ATP11B: variants seen among roughly 807,000 people sequenced by gnomAD.
The protein encoded by ATP11B is ATPase phospholipid transporting 11B (putative).
ATP11B carries 81 observed loss-of-function variants against 157.8 expected under a neutral mutation model. The ratio of observed to expected loss-of-function variants is 0.51; its 90% CI spans 0.43 to 0.62. ATP11B has a LOEUF of 0.62. ATP11B is among the 20% of genes least tolerant of loss of function. ATP11B has a pLI of 0.00. For missense variants in ATP11B, 1,165 were observed against 1,402.2 expected (o/e 0.83, Z 2.70); for synonymous variants, 451 against 469.4 (o/e 0.96, Z 0.51).
intron 8 of ATP11B, among the ~76,000 whole-genome samples, chr3:182,842,829 T>G (rs1304295792): frequency 1.3e-5 from 2 of 152,194 alleles, no homozygotes; most frequent in African/African-American, 2.4e-5. Flanking sequence ...CACAAATCCC[T>G]TACATCAAAA....
intron 17 of ATP11B, 99 bp downstream of exon 17, chr3:182,869,430 C>T (rs1032094482): frequency 3.6e-6 from 3 of 837,970 alleles, no homozygotes; most frequent in African/African-American, 1.7e-5. Flanking sequence ...TGTGGACATT[C>T]TGCAGTTGTG....
rs142906808 is a variant in ATP11B, at chr3:182,888,632, C to T, written c.2844-778C>T. Among the ~76,000 whole-genome samples the T allele has an allele frequency of 1.1e-3, 167 of 152,028 alleles. 1 individual carries two copies. Among genetic ancestry groups the T allele is most frequent in the African/African-American group, 4.0e-3 (165 of 41,464 alleles). On this transcript the variant is annotated intron_variant, in intron 24 of 29. Coordinates refer to ENST00000323116, the MANE Select transcript of ATP11B (RefSeq NM_014616.3). ...ATCTCCCAGGTTCAAGCAATCTTCC[C>T]GTCTTAACATCTGGAGTAACTGGGA...
intron 11 of ATP11B, among the ~76,000 whole-genome samples, chr3:182,858,656 A>G (rs896488914): frequency 2.0e-5 from 3 of 152,180 alleles, no homozygotes; most frequent in Non-Finnish European, 2.9e-5. Context: ...ACCAATGCAT[A>G]TTGAAATATG....
rs768776680 is a variant in ATP11B at position 182,880,901 on chromosome 3, C to T, written c.2429C>T (p.Ser810Leu). Residue 810 changes from serine to leucine, a missense_variant, in exon 21 of 30, where the codon TCA becomes TTA. By Grantham distance (145) the Ser-to-Leu change is moderately radical. This residue lies in a region of ATP11B where 737 missense variants were observed against 930.5 expected (regional missense o/e 0.79). Transcript: ENST00000323116. Reference sequence around the variant, plus strand: ...CAGGTAATAAGACTAATAAAAATATCACCTGAGAAACCTATAACATTGGCT... The same window carrying T: ...CAGGTAATAAGACTAATAAAAATATTACCTGAGAAACCTATAACATTGGCT... The part of the protein sequence containing the change: ...KAKVIRLIKI[S>L]PEKPITLAVG... 6.3e-7 allele frequency: 1 copy of T among 1,586,504 alleles called. No homozygotes were observed.
intron 10 of ATP11B, among the ~76,000 whole-genome samples, chr3:182,854,972 T>A (rs1034331305): frequency 6.6e-6 from 1 of 152,168 alleles, no homozygotes; most frequent in African/African-American, 2.4e-5. Flanking sequence ...GAAAGATTCG[T>A]ACGGTAAAGA....
At chr3:182,842,945 C>T (rs1005944180) in intron 8 of ATP11B, among the ~76,000 whole-genome samples, 3 of 152,212 alleles carry the variant, frequency 2.0e-5, no homozygotes, top group Non-Finnish European at 4.4e-5. Context: ...AGTAAGGTCA[C>T]TCAGGTTTGC....
chr3:182,886,910 G>C (rs1028102713), intron 23 of ATP11B, among the ~76,000 whole-genome samples: 1 of 152,104 alleles, frequency 6.6e-6, no homozygotes, highest in African/African-American at 2.4e-5. Context: ...ATAAAAGTTT[G>C]TTTACCTAAA....
chr3:182,914,570 G>T, intron 29 of ATP11B: 1 of 985,138 alleles, frequency 1.0e-6, no homozygotes, highest in Non-Finnish European at 1.2e-6. Flanking sequence ...CTTTTGCTTG[G>T]TATTTATTGC....
At chr3:182,826,297 A>G (rs1717717691) in intron 2 of ATP11B, among the ~76,000 whole-genome samples, 1 of 152,238 alleles carries the variant, frequency 6.6e-6, no homozygotes, top group Non-Finnish European at 1.5e-5. Context: ...AGCCAAAGAA[A>G]ACACCCTGAA....
chr3:182,887,618 C>A lies in ATP11B; in HGVS notation c.2748C>A (p.Tyr916Ter). The A allele has an allele frequency of 1.2e-6, 2 of 1,612,210 alleles. No homozygotes were observed. Among genetic ancestry groups the A allele is most frequent in the Non-Finnish European group, 8.5e-7 (1 of 1,179,338 alleles). Reference sequence around the variant, plus strand: ...ATGACAGCGTGTACCTGACTTTATACAATATTTGTTTTACTTCCCTACCTA... The same window carrying A: ...ATGACAGCGTGTACCTGACTTTATAAAATATTTGTTTTACTTCCCTACCTA... ...TLYDSVYLTLYNICFTSLPIL... is the reference protein window; with the variant it reads ...TLYDSVYLTL Residue 916 changes from tyrosine to a stop codon, truncating the protein, a stop_gained, in exon 24 of 30, where the codon TAC becomes TAA. Coordinates refer to ENST00000323116, the MANE Select transcript of ATP11B (RefSeq NM_014616.3). LOFTEE classifies it high-confidence loss of function.
At chr3:182,913,617 A>T (rs1368854269) in intron 28 of ATP11B, among the ~76,000 whole-genome samples, 1 of 152,266 alleles carries the variant, frequency 6.6e-6, no homozygotes, top group Non-Finnish European at 1.5e-5. Context: ...TTTACATAAT[A>T]TCCAGCTTCT....
At chr3:182,828,243 C>T in intron 3 of ATP11B, 34 bp downstream of exon 3, 1 of 1,010,470 alleles carries the variant, frequency 9.9e-7, no homozygotes. Context: ...AGTTTGTAAA[C>T]ATAGTTTCTA....
intron 12 of ATP11B, among the ~76,000 whole-genome samples, chr3:182,861,452 G>A (rs1720832968): frequency 6.6e-6 from 1 of 152,096 alleles, no homozygotes. Context: ...CAATAAATAC[G>A]GCACTTACCT....
intron 2 of ATP11B, among the ~76,000 whole-genome samples, chr3:182,824,096 C>T (rs768240189): frequency 6.6e-5 from 10 of 152,000 alleles, no homozygotes; most frequent in Admixed American, 2.0e-4. Context: ...TCTTTTGTGC[C>T]TGACTTCTTT....
At chr3:182,887,515 C>G in intron 23 of ATP11B, 71 bp from the exon 24 acceptor site, 7 of 1,320,770 alleles carry the variant, frequency 5.3e-6, no homozygotes, top group Non-Finnish European at 7.2e-6. Flanking sequence ...TTTTAATATG[C>G]ATAGTTGTCA....
chr3:182,798,192 C>T (rs1715752284), intron 1 of ATP11B, among the ~76,000 whole-genome samples: 1 of 152,202 alleles, frequency 6.6e-6, no homozygotes, highest in Non-Finnish European at 1.5e-5. Context: ...AGATATCTCA[C>T]TTACTAGACT....
intron 10 of ATP11B, 54 bp downstream of exon 10, chr3:182,848,611 T>C: frequency 1.0e-6 from 1 of 969,534 alleles, no homozygotes; most frequent in Non-Finnish European, 1.4e-6. Context: ...ACATTTTTTA[T>C]TCGTTTGGTA....
At chr3:182,913,342 C>T (rs1724924096) in intron 28 of ATP11B, among the ~76,000 whole-genome samples, 1 of 152,096 alleles carries the variant, frequency 6.6e-6, no homozygotes, top group Admixed American at 6.5e-5. Context: ...AAAGTGTTTG[C>T]TGCCATTGTT....
chr3:182,918,162 T>A lies in ATP11B; in HGVS notation c.*58T>A, dbSNP rs943964519. ...CCTCCTTTCCTAAAATTCAGTGTGA[T>A]CACCCTGTTAATGGCCACACTAGCT... is the stretch of plus-strand genomic sequence containing the variant. On this transcript the variant is annotated 3_prime_UTR_variant, in exon 30 of 30. Transcript: ENST00000323116. 1.2e-6 allele frequency: 2 copies of A among 1,607,560 alleles called. No homozygotes were observed. The highest frequency in any genetic ancestry group is 1.7e-6 in the Non-Finnish European group (2 of 1,176,536).
Sources: allele counts gnomAD v4.1 joint callset (sites outside exome capture counted in the v4.1 genomes callset), GRCh38; gene constraint gnomAD v4.1.1; regional missense constraint gnomAD v4.1.1; transcripts MANE v1.5; gene names NCBI Gene and HGNC (gene_info 2026-07-23, HGNC 2026-07-21).